Variants in TMEM209 observed in about 807,000 individuals in gnomAD.
The protein encoded by TMEM209 is transmembrane protein 209, also known as testicular tissue protein Li 202.
A neutral mutation model predicts 76.2 loss-of-function variants in TMEM209; 65 were observed. The observed-to-expected ratio is 0.85, with a 90% confidence interval of 0.70 to 1.05. The LOEUF (loss-of-function observed/expected upper bound fraction) is 1.05, where lower values mean the gene tolerates loss of function less well. Among genes scored for constraint, TMEM209 ranks in the 50% least tolerant of loss-of-function variants. The pLI, the probability that TMEM209 is intolerant of heterozygous loss-of-function variation, is 0.00. For missense variants in TMEM209, 623 were observed against 685.5 expected (o/e 0.91, Z 1.02); for synonymous variants, 239 against 237.6 (o/e 1.01, Z -0.06).
chr7:130,188,368 G>A (rs796163433), intron 6 of TMEM209, among the ~76,000 whole-genome samples: 41 of 152,146 alleles, frequency 2.7e-4, no homozygotes, highest in African/African-American at 7.0e-4. Context: ...AGGCCAAGGC[G>A]GGCGGATCAC....
At chr7:130,171,172 G>T (rs564130048) in intron 13 of TMEM209, among the ~76,000 whole-genome samples, 1 of 152,092 alleles carries the variant, frequency 6.6e-6, no homozygotes, top group Admixed American at 6.6e-5. Context: ...TATAAAAATG[G>T]TCTATAATGG....
chr7:130,203,227 C>G (rs1328125315), intron 3 of TMEM209, among the ~76,000 whole-genome samples: 1 of 152,164 alleles, frequency 6.6e-6, no homozygotes, highest in African/African-American at 2.4e-5. Context: ...GTGACTCTTA[C>G]AAGAGTAGAG....
chr7:130,190,979 C>CAA (rs202081053), intron 6 of TMEM209, among the ~76,000 whole-genome samples: 2 of 94,056 alleles, frequency 2.1e-5, no homozygotes. Flanking sequence ...GACCTAGTCT[C>CAA]AAAAAAAAAA....
chr7:130,188,364 A>G (rs902049743), intron 6 of TMEM209, among the ~76,000 whole-genome samples: 1 of 152,184 alleles, frequency 6.6e-6, no homozygotes, highest in South Asian at 2.1e-4. Context: ...TGGGAGGCCA[A>G]GGCGGGCGGA....
chr7:130,190,794 C>T (rs986267686), intron 6 of TMEM209, among the ~76,000 whole-genome samples: 10 of 151,270 alleles, frequency 6.6e-5, no homozygotes, highest in Non-Finnish European at 1.5e-4. Context: ...CTCAGGAGTT[C>T]GAGACCAGCC....
Position 130,205,405 on chromosome 7 carries a change from C to CCA in TMEM209, c.-31_-30insTG, listed in dbSNP as rs1352536962. ...TCTGGCCGGAAAACGCAGGCTCGCG[C>CCA]CACTCTCTCTGGGCATGCGCAAAGC... On this transcript the variant is annotated 5_prime_UTR_variant, in exon 1 of 15. Transcript: ENST00000397622. The CCA allele has an allele frequency of 6.2e-7, 1 of 1,613,682 alleles. No homozygotes were observed. The highest frequency in any genetic ancestry group is 8.5e-7 in the Non-Finnish European group (1 of 1,179,894).
chr7:130,178,834 G>A (rs1049675215), intron 9 of TMEM209, among the ~76,000 whole-genome samples: 4 of 151,836 alleles, frequency 2.6e-5, no homozygotes, highest in African/African-American at 4.8e-5. Context: ...GGAGTATAGC[G>A]GCACAATCAC....
chr7:130,200,077 C>G (rs980405790), intron 5 of TMEM209: 1 of 151,822 alleles, frequency 6.6e-6, no homozygotes, highest in Non-Finnish European at 1.5e-5. Flanking sequence ...AAGAAAATTT[C>G]TAAATTTAAA....
intron 14 of TMEM209, among the ~76,000 whole-genome samples, chr7:130,170,037 A>G (rs907284602): frequency 6.6e-6 from 1 of 152,214 alleles, no homozygotes; most frequent in Non-Finnish European, 1.5e-5. Context: ...CTGGAAGTGT[A>G]AACACTTCGC....
At chr7:130,204,918 T>G in intron 1 of TMEM209, 1 of 1,047,040 alleles carries the variant, frequency 9.6e-7, no homozygotes, top group Non-Finnish European at 1.2e-6. Context: ...GGCTCTCCCT[T>G]TTGTGTGTGG....
chr7:130,171,948 G>A (rs1202131572), intron 13 of TMEM209, among the ~76,000 whole-genome samples: 1 of 151,910 alleles, frequency 6.6e-6, no homozygotes, highest in East Asian at 1.9e-4. Context: ...CAGGAGAATC[G>A]CTTGAACCTG....
intron 13 of TMEM209, 27 bp from the exon 14 acceptor site, chr7:130,170,500 T>C: frequency 6.3e-7 from 1 of 1,580,844 alleles, no homozygotes; most frequent in Non-Finnish European, 8.6e-7. Context: ...AAAGACAAGA[T>C]TTAAACCAAA....
At chr7:130,167,873 T>C (rs1796930717) in intron 14 of TMEM209, among the ~76,000 whole-genome samples, 1 of 152,238 alleles carries the variant, frequency 6.6e-6, no homozygotes, top group Non-Finnish European at 1.5e-5. Flanking sequence ...CTATTTGTTT[T>C]AGGATGTATT....
chr7:130,205,331 G>T lies in TMEM209; in HGVS notation c.3+42C>A, dbSNP rs750393801. On this transcript the variant is annotated intron_variant, in intron 1 of 14. Transcript: ENST00000397622. The stretch of plus-strand genomic sequence containing the variant: ...GCGCGGAACTCCCACAACCCGCGTA[G>T]ATTCCAAGACAGGAAGCACAAACAC... 1.4e-5 allele frequency: 22 copies of T among 1,613,768 alleles called. No individual in the cohort carries two copies. The African/African-American group carries it at 2.3e-4, about 17-fold the overall frequency.
chr7:130,172,942 T>C (rs1330251986), intron 13 of TMEM209, among the ~76,000 whole-genome samples: 2 of 134,512 alleles, frequency 1.5e-5, no homozygotes, highest in African/African-American at 2.9e-5. Context: ...GAGGTTGCAG[T>C]GAGCCAAGAT....
chr7:130,202,476 A>C, intron 4 of TMEM209, 56 bp downstream of exon 4: 1 of 1,552,630 alleles, frequency 6.4e-7, no homozygotes. Context: ...AATTAAACTG[A>C]GAAAGATTTA....
At position 130,181,727 on chromosome 7, in the gene TMEM209, A is replaced by G. The variant is rs764916683; in HGVS notation, c.1024-8T>C. 2 of 1,597,320 alleles carry G rather than the reference A, an allele frequency of 1.3e-6. No homozygotes were observed. Among genetic ancestry groups the G allele is most frequent in the African/African-American group, 1.3e-5 (1 of 74,788 alleles). ...TATTGTCTCATTGATCCACTAGAAG[A>G]AATAAGGTACAGATTTTGGATACAT... On this transcript the variant is annotated splice_polypyrimidine_tract_variant and splice_region_variant and intron_variant, in intron 8 of 14. Coordinates refer to ENST00000397622, the MANE Select transcript of TMEM209 (RefSeq NM_032842.4).
intron 5 of TMEM209, among the ~76,000 whole-genome samples, chr7:130,194,130 C>T (rs1485161118): frequency 6.6e-6 from 1 of 150,780 alleles, no homozygotes; most frequent in Non-Finnish European, 1.5e-5. Flanking sequence ...ATCCGGGAGG[C>T]GGAGCTTGCA....
At position 130,203,984 on chromosome 7, in the gene TMEM209, A is replaced by G. The variant is rs1389119260; in HGVS notation, c.130T>C (p.Tyr44His). ...GACTGATTCACTTACATTTCAGTAT[A>G]TATCATTCCAGCCATAGATACATTT... ...LLNVSMAGMI[Y>H]TEMTGKLISS... is the part of the protein sequence containing the mutation. Residue 44 changes from tyrosine (Y) to histidine (H), a missense_variant, in exon 2 of 15, where the codon TAT becomes CAT. Coordinates refer to ENST00000397622, the MANE Select transcript of TMEM209 (RefSeq NM_032842.4). 9 of 1,613,466 alleles carry G rather than the reference A, an allele frequency of 5.6e-6. No individual in the cohort carries two copies. Among genetic ancestry groups the G allele is most frequent in the East Asian group, 2.2e-5 (1 of 44,882 alleles).
Sources: allele counts gnomAD v4.1 joint callset (sites outside exome capture counted in the v4.1 genomes callset), GRCh38; gene constraint gnomAD v4.1.1; transcripts MANE v1.5; gene names NCBI Gene and HGNC (gene_info 2026-07-23, HGNC 2026-07-21).